Variants in TRIM32 observed in about 807,000 individuals in gnomAD.
TRIM32 encodes the protein E3 ubiquitin-protein ligase TRIM32.
Under a neutral mutation model 36.0 loss-of-function variants are expected in TRIM32, and 19 were observed. The observed-to-expected ratio is 0.53, with a 90% CI of 0.37 to 0.77. TRIM32 has a LOEUF of 0.77. Among genes scored for constraint, TRIM32 ranks in the 30% least tolerant of loss-of-function variants. The probability of loss-of-function intolerance (pLI) is 0.00; values close to 1 mark genes in which losing one functional copy is unlikely to be tolerated. For synonymous variants in TRIM32, 309 were observed against 318.5 expected (o/e 0.97, Z 0.32); for missense variants, 747 against 845.2 (o/e 0.88, Z 1.44).
intron 1 of TRIM32, among the ~76,000 whole-genome samples, chr9:116,696,804 A>G (rs1286923489): frequency 6.6e-6 from 1 of 152,116 alleles, no homozygotes; most frequent in Admixed American, 6.5e-5. Context: ...TGGATAGGTG[A>G]GTAAGTAGGA....
chr9:116,691,636 C>A (rs1306315908), intron 1 of TRIM32, among the ~76,000 whole-genome samples: 1 of 152,200 alleles, frequency 6.6e-6, no homozygotes, highest in African/African-American at 2.4e-5. Flanking sequence ...TCCCTATAAG[C>A]CCCTACTTGT....
rs987882732 is a variant in TRIM32 at position 116,699,063 on chromosome 9, C to G, written c.1321C>G (p.Leu441Val). The stretch of plus-strand genomic sequence containing the variant: ...CTCAGTGGCAATGAACTGCCAGGGG[C>G]TGATTGGTGTGACTGACAGCTATGA... ...PLSVAMNCQGLIGVTDSYDNS... is the reference protein window; with the variant it reads ...PLSVAMNCQGVIGVTDSYDNS... Residue 441 changes from leucine (L) to valine (V), a missense_variant, in exon 2 of 2, where the codon CTG becomes GTG. Leu to Val is a conservative substitution (Grantham distance 32). Coordinates refer to ENST00000450136, the MANE Select transcript of TRIM32 (RefSeq NM_012210.4). This position sits in a 1 kb window ranked among gnomAD's most constrained non-coding sequence, Gnocchi z 4.2. 1.2e-6 allele frequency: 2 copies of G among 1,614,038 alleles called. No individual in the cohort carries two copies. The highest frequency in any genetic ancestry group is 2.7e-5 in the African/African-American group (2 of 74,940).
In TRIM32 at chr9:116,698,823, A is replaced by T. The variant is rs1262205918; in HGVS notation, c.1081A>T (p.Met361Leu). 4 of 1,614,072 alleles carry T rather than the reference A, an allele frequency of 2.5e-6. No individual in the cohort carries two copies. The highest frequency in any genetic ancestry group is 3.4e-6 in the Non-Finnish European group (4 of 1,180,052). Residue 361 changes from methionine (M) to leucine (L), a missense_variant, in exon 2 of 2, where the codon ATG becomes TTG. Met to Leu is a conservative substitution (Grantham distance 15). Coordinates refer to ENST00000450136, the MANE Select transcript of TRIM32 (RefSeq NM_012210.4). The surrounding 1 kb of genome is among the most constrained non-coding windows in gnomAD (Gnocchi z 4.4). ...CCAGCAGTGCCTCTTTCTCAAGAAG[A>T]TGGGGGCCAAAGGCAGCACTCCAGG... Reference protein sequence around the residue: ...NIQQCLFLKKMGAKGSTPGMF... With the variant: ...NIQQCLFLKKLGAKGSTPGMF...
At chr9:116,689,905 G>A (rs933911765) in intron 1 of TRIM32, among the ~76,000 whole-genome samples, 1 of 152,162 alleles carries the variant, frequency 6.6e-6, no homozygotes, top group African/African-American at 2.4e-5. Context: ...AGGGACTGAG[G>A]CTGAAGGCAG....
In TRIM32 at chr9:116,698,894, A is replaced by G; in HGVS notation, c.1152A>G (p.Glu384=). Residue 384 remains glutamate (E), a synonymous_variant, in exon 2 of 2, where the codon GAA becomes GAG. Transcript: ENST00000450136. The surrounding 1 kb of genome is among the most constrained non-coding windows in gnomAD (Gnocchi z 4.4). ...PVSLYVTSQG[E]VLVADRGNYR... is the part of the protein sequence containing the mutation. ...GTCTCTACGTGACCAGTCAAGGTGA[A>G]GTACTAGTCGCTGACCGTGGTAACT... 6.2e-7 allele frequency: 1 copy of G among 1,614,216 alleles called. No individual in the cohort carries two copies. The highest frequency in any genetic ancestry group is 8.5e-7 in the Non-Finnish European group (1 of 1,180,046).
At position 116,699,000 on chromosome 9, in the gene TRIM32, A is replaced by G. The variant is rs1338332020; in HGVS notation, c.1258A>G (p.Ser420Gly). The change falls in exon 2 of 2, where the codon AGC becomes GGC. Residue 420 changes from serine (S) to glycine (G), a missense_variant. Coordinates refer to ENST00000450136, the MANE Select transcript of TRIM32 (RefSeq NM_012210.4). This position sits in a 1 kb window ranked among gnomAD's most constrained non-coding sequence, Gnocchi z 4.4. ...CAGTGGCATTGATAGCTTTGTGCTAAGCTTCCTTGGGGCAGATCTACCCAA... is the reference window on the plus strand; with the variant it reads ...CAGTGGCATTGATAGCTTTGTGCTAGGCTTCCTTGGGGCAGATCTACCCAA... ...SPSGIDSFVLSFLGADLPNLT... is the reference protein window; with the variant it reads ...SPSGIDSFVLGFLGADLPNLT... The G allele has an allele frequency of 1.2e-6, 2 of 1,613,786 alleles. No individual in the cohort carries two copies. The highest frequency in any genetic ancestry group is 1.7e-6 in the Non-Finnish European group (2 of 1,179,964).
intron 1 of TRIM32, among the ~76,000 whole-genome samples, chr9:116,690,608 C>A (rs972556731): frequency 1.3e-5 from 2 of 152,156 alleles, no homozygotes; most frequent in Non-Finnish European, 2.9e-5. Context: ...GTGCCCTTAC[C>A]AACCTCTCAG....
At chr9:116,695,381 G>A (rs553373967) in intron 1 of TRIM32, among the ~76,000 whole-genome samples, 5 of 152,238 alleles carry the variant, frequency 3.3e-5, no homozygotes, top group African/African-American at 1.2e-4. Context: ...AAAGGAAGTG[G>A]GATATCAGGG....
intron 1 of TRIM32, among the ~76,000 whole-genome samples, chr9:116,691,763 A>T (rs1860578938): frequency 1.3e-5 from 2 of 152,212 alleles, no homozygotes. Flanking sequence ...TGAATTCGTT[A>T]AAGTCAGTCC....
intron 1 of TRIM32, among the ~76,000 whole-genome samples, chr9:116,691,717 C>T (rs1286491734): frequency 6.6e-6 from 1 of 152,140 alleles, no homozygotes; most frequent in African/African-American, 2.4e-5. Context: ...GAATCCTCTC[C>T]CACACACAGG....
intron 1 of TRIM32, among the ~76,000 whole-genome samples, chr9:116,691,650 G>A (rs1860572803): frequency 6.6e-6 from 1 of 152,160 alleles, no homozygotes; most frequent in Non-Finnish European, 1.5e-5. Flanking sequence ...TACTTGTTGA[G>A]TTTATCTTAG....
intron 1 of TRIM32, among the ~76,000 whole-genome samples, chr9:116,693,249 A>C (rs1372047461): frequency 6.6e-6 from 1 of 152,186 alleles, no homozygotes; most frequent in Middle Eastern, 3.2e-3. Flanking sequence ...AAACTAAGAA[A>C]ACAGGTTTAG....
chr9:116,694,714 G>A (rs189523962), intron 1 of TRIM32, among the ~76,000 whole-genome samples: 82 of 147,920 alleles, frequency 5.5e-4, no homozygotes, highest in Non-Finnish European at 8.9e-4. Flanking sequence ...CTCATGATTC[G>A]CCCACCTCAG....
intron 1 of TRIM32, among the ~76,000 whole-genome samples, chr9:116,691,007 C>T (rs527961381): frequency 2.0e-5 from 3 of 152,252 alleles, no homozygotes; most frequent in African/African-American, 7.2e-5. Flanking sequence ...GCAGCCTCAA[C>T]CTCCTAGGCT....
In TRIM32 at chr9:116,700,188, A is replaced by G. The variant is rs908462619; in HGVS notation, c.*484A>G. ...GGGATCTGCTCCACCTTTCAGTGAC[A>G]TTTAAGACATCATATTCCCGTAACA... On this transcript the variant is annotated 3_prime_UTR_variant, in exon 2 of 2. Coordinates refer to ENST00000450136, the MANE Select transcript of TRIM32 (RefSeq NM_012210.4). 3 of 204,994 alleles carry G rather than the reference A, an allele frequency of 1.5e-5. No homozygotes were observed. The highest frequency in any genetic ancestry group is 3.3e-5 in the Non-Finnish European group (3 of 92,100). 12.7% of individuals were successfully genotyped at this position (204,994 alleles called of 1,614,324 possible).
rs755369647 is a variant in TRIM32, at chr9:116,699,282, G to A, written c.1540G>A (p.Val514Met). ...CAAATACAGCTGCCTATGTAGTGCT[G>A]TGCGGCCCAAATTTGTCACCTGTGA... ...VVKYSCLCSA[V>M]RPKFVTCDAE... Residue 514 changes from valine (V) to methionine (M), a missense_variant, in exon 2 of 2, where the codon GTG (valine) becomes ATG (methionine). By Grantham distance (21) the Val-to-Met change is conservative. Coordinates refer to ENST00000450136, the MANE Select transcript of TRIM32 (RefSeq NM_012210.4). The surrounding 1 kb of genome is among the most constrained non-coding windows in gnomAD (Gnocchi z 4.2). 3.1e-6 allele frequency: 5 copies of A among 1,614,216 alleles called. No homozygotes were observed. The South Asian group carries it at 3.3e-5, about 11-fold the overall frequency.
chr9:116,697,556 A>C (rs1180431757), intron 1 of TRIM32, 106 bp from the exon 2 acceptor site: 5 of 731,414 alleles, frequency 6.8e-6, no homozygotes, highest in Non-Finnish European at 1.1e-5. Flanking sequence ...GTTGTTAAGT[A>C]AGGGAATGAC....
chr9:116,695,421 T>C (rs1014786656), intron 1 of TRIM32, among the ~76,000 whole-genome samples: 16 of 152,232 alleles, frequency 1.1e-4, no homozygotes, highest in Non-Finnish European at 1.6e-4. Context: ...TAATTGTGCA[T>C]GTCTGCTGCT....
intron 1 of TRIM32, among the ~76,000 whole-genome samples, chr9:116,688,857 A>T (rs961380974): frequency 5.3e-5 from 8 of 151,692 alleles, no homozygotes; most frequent in Admixed American, 1.3e-4. Context: ...GGAGACAGAC[A>T]AAACAACAAC....
Sources: gnomAD v4.1 joint callset for allele counts (sites outside exome capture counted in the v4.1 genomes callset) on GRCh38, gnomAD v4.1.1 for gene constraint, Gnocchi (gnomAD v3.1) non-coding constraint, MANE v1.5 for transcripts, NCBI Gene and HGNC (gene_info 2026-07-23, HGNC 2026-07-21) for gene names.